The following PEAK1 variants were observed in gnomAD, a reference collection of about 807,000 sequenced individuals.
The protein encoded by PEAK1 is inactive tyrosine-protein kinase PEAK1.
In PEAK1, 54 loss-of-function variants were observed where a neutral mutation model predicts 124.7. The observed-to-expected ratio is 0.43, with a 90% CI of 0.35 to 0.54. The LOEUF is 0.54. Ranked by LOEUF, PEAK1 falls within the 20% of genes least tolerant of loss-of-function variation. The probability of loss-of-function intolerance (pLI) is 0.01; values close to 1 mark genes in which losing one functional copy is unlikely to be tolerated. For synonymous variants in PEAK1, 719 were observed against 760.0 expected, an observed-to-expected ratio of 0.95 and a Z score of 0.89; for missense variants, 2,046 against 2,134.5, an observed-to-expected ratio of 0.96 and a Z score of 0.82.
intron 9 of PEAK1, among the ~76,000 whole-genome samples, chr15:77,132,460 C>T (rs1010214824): frequency 6.6e-6 from 1 of 151,802 alleles, no homozygotes; most frequent in African/African-American, 2.4e-5. Context: ...TTTGGGAGGC[C>T]AAGGCGGGAG....
intron 3 of PEAK1, 188 bp from the exon 4 acceptor site, chr15:77,285,243 C>T (rs555825016): frequency 6.6e-6 from 1 of 152,126 alleles, no homozygotes; most frequent in African/African-American, 2.4e-5. Flanking sequence ...ACCTGGCTGT[C>T]GTGAATTAAA....
At chr15:77,349,423 T>C in intron 2 of PEAK1, 9 of 980,080 alleles carry the variant, frequency 9.2e-6, no homozygotes, top group Non-Finnish European at 1.1e-5. Context: ...CAGTTTAACA[T>C]AAAAATGTTC....
chr15:77,352,677 T>A, intron 2 of PEAK1: 1 of 949,090 alleles, frequency 1.1e-6, no homozygotes, highest in Non-Finnish European at 1.3e-6. Flanking sequence ...ATATAGAGTA[T>A]TAACCTGAAA....
At chr15:77,264,762 T>C (rs2061626736) in intron 5 of PEAK1, among the ~76,000 whole-genome samples, 1 of 151,956 alleles carries the variant, frequency 6.6e-6, no homozygotes, top group Admixed American at 6.6e-5. Flanking sequence ...TACTTTAAAG[T>C]TCATATGAAA....
intron 1 of PEAK1, among the ~76,000 whole-genome samples, chr15:77,384,333 T>C (rs929908339): frequency 6.6e-6 from 1 of 152,220 alleles, no homozygotes; most frequent in Non-Finnish European, 1.5e-5. Flanking sequence ...AATCAGGTTT[T>C]GGCAAACTTC....
At chr15:77,316,735 T>C (rs537887916) in intron 2 of PEAK1, among the ~76,000 whole-genome samples, 1 of 152,270 alleles carries the variant, frequency 6.6e-6, no homozygotes, top group East Asian at 1.9e-4. Flanking sequence ...AACATAGCTA[T>C]TAAAACTATA....
intron 6 of PEAK1, among the ~76,000 whole-genome samples, chr15:77,184,237 C>A (rs969031159): frequency 6.6e-6 from 1 of 151,468 alleles, no homozygotes; most frequent in Non-Finnish European, 1.5e-5. Flanking sequence ...TATAATTAGC[C>A]ACATGGAAGT....
intron 2 of PEAK1, among the ~76,000 whole-genome samples, chr15:77,338,383 T>C (rs1211275896): frequency 2.6e-5 from 4 of 152,166 alleles, no homozygotes; most frequent in African/African-American, 9.7e-5. Context: ...TTGCACAGAT[T>C]ATCTGATGAA....
At chr15:77,345,069 C>A (rs982215885) in intron 2 of PEAK1, among the ~76,000 whole-genome samples, 1 of 151,868 alleles carries the variant, frequency 6.6e-6, no homozygotes, top group East Asian at 1.9e-4. Context: ...ACTTCCAATA[C>A]GATGGTGAAT....
At chr15:77,314,647 T>C (rs1244268821) in intron 2 of PEAK1, among the ~76,000 whole-genome samples, 1 of 152,116 alleles carries the variant, frequency 6.6e-6, no homozygotes, top group African/African-American at 2.4e-5. Flanking sequence ...AGATTACACA[T>C]GTGAGCCACT....
chr15:77,166,078 T>G (rs2056077471), intron 7 of PEAK1, among the ~76,000 whole-genome samples: 1 of 152,226 alleles, frequency 6.6e-6, no homozygotes, highest in South Asian at 2.1e-4. Context: ...AGGGTATTAA[T>G]GATTACAGAT....
rs1464964480 is a variant in PEAK1, at chr15:77,110,344, C to A, written c.*3812G>T. 1 of 152,200 alleles carries A rather than the reference C, an allele frequency of 6.6e-6. No homozygotes were observed. The highest frequency in any genetic ancestry group is 2.4e-5 in the African/African-American group (1 of 41,420). The allele number at this position is 152,200 out of a possible 1,614,324, so 9.4% of individuals were successfully genotyped here. A position where few individuals can be genotyped will look rare whatever the true frequency, so the allele number is the denominator to read the frequency against. ...CTGACCTCAGGTGATCTGCCCACCTCGCCCTCCTAAAGTGTTGGGATTACA... is the reference window on the plus strand; with the variant it reads ...CTGACCTCAGGTGATCTGCCCACCTAGCCCTCCTAAAGTGTTGGGATTACA... On this transcript the variant is annotated 3_prime_UTR_variant, in exon 10 of 10. Transcript: ENST00000682557.
rs1326186807 is a variant in PEAK1 at position 77,179,211 on chromosome 15, C to G, written c.2716G>C (p.Glu906Gln). 1.9e-6 allele frequency: 3 copies of G among 1,614,180 alleles called. No homozygotes were observed. The East Asian group carries it at 6.7e-5, about 36-fold the overall frequency. Residue 906 changes from glutamate (E) to glutamine (Q), a missense_variant, in exon 7 of 10, where the codon GAA becomes CAA. Glu to Gln is a conservative substitution (Grantham distance 29). Transcript: ENST00000682557. ...PTSPTRSTEA[E>Q]SVLHSEGSRR... ...CTGCCTTCAGAGTGCAAAACTGATT[C>G]AGCTTCTGTTGACCTGGTAGGGCTG...
chr15:77,123,126 GT>G (rs1369366341), intron 9 of PEAK1, among the ~76,000 whole-genome samples: 1 of 152,136 alleles, frequency 6.6e-6, no homozygotes, highest in Non-Finnish European at 1.5e-5. Flanking sequence ...AGTTTTGTGT[GT>G]TCTATCCTTG....
rs146892477 is a variant in PEAK1 at position 77,394,711 on chromosome 15, C to T, written c.-666+25295G>A. ...CAGATTGCAAAGATGACAATAAATA[C>T]CTAACACTTCAATGACCAAACACCC... On this transcript the variant is annotated intron_variant, in intron 1 of 9. Transcript: ENST00000682557. Among the ~76,000 whole-genome samples, 240 of 152,298 alleles carry T rather than the reference C, an allele frequency of 1.6e-3. 1 individual carries two copies. Among genetic ancestry groups the T allele is most frequent in the Middle Eastern group, 3.4e-3 (1 of 294 alleles).
intron 2 of PEAK1, chr15:77,350,224 C>T (rs952073446): frequency 1.3e-5 from 13 of 985,214 alleles, no homozygotes; most frequent in African/African-American, 3.5e-5. Context: ...CACAAAAGAA[C>T]AATAAATCAA....
chr15:77,340,221 C>CA (rs1486381356), intron 2 of PEAK1, among the ~76,000 whole-genome samples: 1 of 152,138 alleles, frequency 6.6e-6, no homozygotes, highest in Non-Finnish European at 1.5e-5. Context: ...TGGAAGCAAA[C>CA]AAGATGTCCT....
rs533649351 is a variant in PEAK1, at chr15:77,376,612, C to T, written c.-665-11387G>A. ...CATCCCACAGCATATTTCGAAGATA[C>T]ACTTTTCTGGTTTTCTAAATTGAAT... is the stretch of plus-strand genomic sequence containing the variant. On this transcript the variant is annotated intron_variant, in intron 1 of 9. Coordinates refer to ENST00000682557, the MANE Select transcript of PEAK1 (RefSeq NM_001385026.1). Among the ~76,000 whole-genome samples the T allele has an allele frequency of 6.6e-5, 10 of 152,278 alleles. No homozygotes were observed. In the South Asian group the frequency reaches 1.9e-3, roughly 28 times the overall value.
Position 77,359,382 on chromosome 15 carries a change from G to A in PEAK1, c.-603+5781C>T, listed in dbSNP as rs573520284. Among the ~76,000 whole-genome samples the A allele has an allele frequency of 1.3e-3, 205 of 151,892 alleles. 1 individual carries two copies. Among genetic ancestry groups the A allele is most frequent in the African/African-American group, 4.9e-3 (201 of 41,408 alleles). On this transcript the variant is annotated intron_variant, in intron 2 of 9. Coordinates refer to ENST00000682557, the MANE Select transcript of PEAK1 (RefSeq NM_001385026.1). ...CTGAACCCAGGAAGTCAAGGCTGCA[G>A]TGAGCCATGTTCACACCACTACACT...
Sources: gnomAD v4.1 joint callset for allele counts (sites outside exome capture counted in the v4.1 genomes callset) on GRCh38, gnomAD v4.1.1 for gene constraint, MANE v1.5 for transcripts, NCBI Gene and HGNC (gene_info 2026-07-23, HGNC 2026-07-21) for gene names.